The following CAST variants were observed in gnomAD, a reference collection of about 807,000 sequenced individuals.
CAST encodes calpastatin, also known as MIR583 host.
Under a neutral mutation model 119.6 loss-of-function variants are expected in CAST, and 76 were observed. The ratio of observed to expected loss-of-function variants is 0.64; its 90% CI spans 0.53 to 0.77. The LOEUF (loss-of-function observed/expected upper bound fraction) is 0.77. Among genes scored for constraint, CAST ranks in the 30% least tolerant of loss-of-function variants. CAST has a pLI of 0.00. For synonymous variants in CAST, 319 were observed against 331.6 expected (o/e 0.96, Z 0.41); for missense variants, 953 against 946.5 (o/e 1.01, Z -0.09).
intron 3 of CAST, among the ~76,000 whole-genome samples, chr5:96,699,816 A>G (rs529044473): frequency 6.6e-6 from 1 of 152,326 alleles, no homozygotes; most frequent in South Asian, 2.1e-4. Context: ...CTGCTGAATG[A>G]CAGATATCCA....
chr5:96,549,016 C>A (rs1050094818), intron 1 of CAST, among the ~76,000 whole-genome samples: 1 of 152,122 alleles, frequency 6.6e-6, no homozygotes, highest in African/African-American at 2.4e-5. Context: ...TACAAGGAAC[C>A]AGGAAGAGAA....
At chr5:96,556,618 G>A (rs1236376242) in intron 1 of CAST, among the ~76,000 whole-genome samples, 6 of 152,130 alleles carry the variant, frequency 3.9e-5, no homozygotes, top group Non-Finnish European at 7.4e-5. Context: ...AGTGATGGAA[G>A]ACCAAATGAA....
intron 1 of CAST, chr5:96,546,227 G>A (rs1361512692): frequency 6.6e-6 from 1 of 152,074 alleles, no homozygotes; most frequent in Non-Finnish European, 1.5e-5. Flanking sequence ...TCTTCAGATA[G>A]TTGGTGGTTT....
At chr5:96,356,436 A>G in the CAST span, among the ~76,000 whole-genome samples, 1 of 152,272 alleles carries the variant, frequency 6.6e-6, no homozygotes, top group Non-Finnish European at 1.5e-5. Context: ...GGTATTGCCC[A>G]GGTTTTATTT....
At chr5:96,464,107 G>GGTTTT in the CAST span, among the ~76,000 whole-genome samples, 2 of 151,902 alleles carry the variant, frequency 1.3e-5, no homozygotes, top group South Asian at 2.1e-4. Flanking sequence ...TAGGTCTAAA[G>GGTTTT]GTTTTGTTTT....
At chr5:96,410,776 T>C in the CAST span, 1 of 1,612,468 alleles carries the variant, frequency 6.2e-7, no homozygotes, top group Non-Finnish European at 8.5e-7. Flanking sequence ...CAACATACGA[T>C]TCTCTGGTCG....
At chr5:96,396,282 C>T in the CAST span, among the ~76,000 whole-genome samples, 550 of 152,174 alleles carry the variant, frequency 3.6e-3, 2 homozygotes, top group African/African-American at 0.013. Context: ...TTATCTAGGC[C>T]GGGTGTGGTG....
chr5:96,646,367 C>CT (rs765042037), intron 1 of CAST, among the ~76,000 whole-genome samples: 2 of 152,206 alleles, frequency 1.3e-5, no homozygotes, highest in African/African-American at 2.4e-5. Flanking sequence ...CTGAAACCAG[C>CT]TAAGTGGCTA....
At chr5:96,109,161 G>A in the CAST span, among the ~76,000 whole-genome samples, 1 of 152,312 alleles carries the variant, frequency 6.6e-6, no homozygotes, top group East Asian at 1.9e-4. Context: ...TACCTCAGAT[G>A]GAAATGCAGA....
At chr5:96,506,092 A>T in the CAST span, among the ~76,000 whole-genome samples, 1 of 152,234 alleles carries the variant, frequency 6.6e-6, no homozygotes, top group Non-Finnish European at 1.5e-5. Context: ...TTTCCCCGTC[A>T]GGGTAGCTGT....
At chr5:96,629,638 T>C (rs528736266) in intron 1 of CAST, among the ~76,000 whole-genome samples, 53 of 152,352 alleles carry the variant, frequency 3.5e-4, no homozygotes, top group African/African-American at 1.3e-3. Context: ...GCCAACCAAC[T>C]TGAAATCAAA....
intron 2 of CAST, among the ~76,000 whole-genome samples, chr5:96,680,354 C>CA (rs71617135): frequency 0.024 from 685 of 28,138 alleles, 18 homozygotes; most frequent in Non-Finnish European, 0.033. Flanking sequence ...GACTCTGTCT[C>CA]AAAAAAAAAA....
At chr5:96,595,984 C>G (rs1411947922) in intron 1 of CAST, among the ~76,000 whole-genome samples, 1 of 152,108 alleles carries the variant, frequency 6.6e-6, no homozygotes, top group African/African-American at 2.4e-5. Context: ...ATATACTGAG[C>G]CTGCAGAGAG....
At chr5:96,635,845 A>G (rs1402322119) in intron 1 of CAST, among the ~76,000 whole-genome samples, 2 of 152,228 alleles carry the variant, frequency 1.3e-5, no homozygotes, top group African/African-American at 4.8e-5. Context: ...GTGGCTCACA[A>G]TAGATAAATT....
At chr5:96,375,914 AATATATAAATATAAATAT>A in the CAST span, among the ~76,000 whole-genome samples, 1 of 145,662 alleles carries the variant, frequency 6.9e-6, no homozygotes, top group African/African-American at 2.6e-5. Context: ...TATATATATA[AATATATAAATATAAATAT>A]ATATAAATAT....
At chr5:96,577,888 G>A (rs1218364943) in intron 1 of CAST, among the ~76,000 whole-genome samples, 3 of 152,124 alleles carry the variant, frequency 2.0e-5, no homozygotes, top group East Asian at 3.9e-4. Flanking sequence ...TGATGCAAAA[G>A]TAATTGCAGT....
the CAST span, among the ~76,000 whole-genome samples, chr5:96,182,038 A>C: frequency 4.9e-4 from 74 of 152,364 alleles, no homozygotes; most frequent in Middle Eastern, 3.4e-3. Flanking sequence ...GTAACAGTCA[A>C]ATAAAATACT....
At chr5:96,235,137 C>A in the CAST span, among the ~76,000 whole-genome samples, 1 of 152,178 alleles carries the variant, frequency 6.6e-6, no homozygotes, top group African/African-American at 2.4e-5. Flanking sequence ...TCTCCTGGTT[C>A]ATCTTGGTGG....
At chr5:96,744,869 C>T (rs550768895) in intron 16 of CAST, among the ~76,000 whole-genome samples, 1 of 152,318 alleles carries the variant, frequency 6.6e-6, no homozygotes, top group Admixed American at 6.5e-5. Context: ...TCTACCATAA[C>T]ATAAAATAAA....
Sources: allele counts gnomAD v4.1 joint callset (sites outside exome capture counted in the v4.1 genomes callset), GRCh38; gene constraint gnomAD v4.1.1; transcripts MANE v1.5; gene names NCBI Gene and HGNC (gene_info 2026-07-23, HGNC 2026-07-21).